Variants in RRBP1 observed in about 807,000 individuals in gnomAD.
The protein encoded by RRBP1 is ribosome binding protein 1.
RRBP1 carries 94 observed loss-of-function variants against 165.2 expected under a neutral mutation model. The observed-to-expected ratio is 0.57, with a 90% CI of 0.48 to 0.68. The LOEUF is 0.68. Among genes scored for constraint, RRBP1 ranks in the 30% least tolerant of loss-of-function variants. The pLI is 0.00. For synonymous variants in RRBP1, 680 were observed against 714.5 expected, an observed-to-expected ratio of 0.95 and a Z score of 0.77; for missense variants, 1,676 against 1,763.0, an observed-to-expected ratio of 0.95 and a Z score of 0.88.
Position 17,659,392 on chromosome 20 carries a change from A to G in RRBP1, c.1116T>C (p.Ala372=), listed in dbSNP as rs199627205. The part of the protein sequence containing the change: ...AEGAQNQGKK[A]EGAQNQGKKA... ...TTTTGCCCTGGTTCTGAGCCCCCTCAGCCTTCTTGCCCTGATTCTGGGCCC... is the reference window on the plus strand; with the variant it reads ...TTTTGCCCTGGTTCTGAGCCCCCTCGGCCTTCTTGCCCTGATTCTGGGCCC... Residue 372 remains alanine (A), a synonymous_variant, in exon 3 of 25, where the codon GCT becomes GCC. Transcript: ENST00000377813. 1,080 of 1,089,814 alleles carry G rather than the reference A, an allele frequency of 9.9e-4. 8 individuals are homozygous for G. Among genetic ancestry groups the G allele is most frequent in the Admixed American group, 2.4e-3 (60 of 24,824 alleles). 67.5% of individuals were successfully genotyped at this position (1,089,814 alleles called of 1,614,324 possible). A position where few individuals can be genotyped will look rare whatever the true frequency, so the allele number is the denominator to read the frequency against.
In RRBP1 at chr20:17,633,723, G is replaced by GTC. The variant is rs557453565; in HGVS notation, c.2457-112_2457-111dup. 7.4e-4 allele frequency: 851 copies of GTC among 1,142,306 alleles called. 23 individuals carry two copies. In the East Asian group the frequency reaches 0.021, roughly 28 times the overall value. 70.8% of individuals were successfully genotyped at this position (1,142,306 alleles called of 1,614,324 possible). ...CTCTTGTAAGTAAGCAGTTGCCCAA[G>GTC]TCTTGAAGCCATTACCAAAGCCACT... On this transcript the variant is annotated intron_variant, in intron 7 of 24. Transcript: ENST00000377813.
chr20:17,619,754 C>A (rs761309132), intron 18 of RRBP1, 26 bp from the exon 19 acceptor site: 4 of 1,541,392 alleles, frequency 2.6e-6, no homozygotes, highest in South Asian at 2.3e-5. Flanking sequence ...GACACGCACA[C>A]GCATGCGCCA....
At chr20:17,615,010 C>T in intron 23 of RRBP1, 130 bp from the exon 24 acceptor site, 2 of 1,033,692 alleles carry the variant, frequency 1.9e-6, no homozygotes, top group South Asian at 3.0e-5. Context: ...TCCTGGTCAC[C>T]CGGAGATAGG....
At chr20:17,615,850 G>A in intron 22 of RRBP1, 76 bp downstream of exon 22, 3 of 1,316,976 alleles carry the variant, frequency 2.3e-6, no homozygotes, top group Non-Finnish European at 3.2e-6. Context: ...AGCGGGGCAG[G>A]GCTGACCCAC....
chr20:17,621,844 T>TCC lies in RRBP1; in HGVS notation c.3240+9_3240+10dup. Reference sequence around the variant, plus strand: ...ACTGTGAGGTCCCCGGGAACCACCCTCCCCTCCTACCTGTTGTGCCAAGAC... The same window carrying TCC: ...ACTGTGAGGTCCCCGGGAACCACCCTCCCCCCTCCTACCTGTTGTGCCAAGAC... On this transcript the variant is annotated intron_variant, in intron 14 of 24. Transcript: ENST00000377813. The TCC allele has an allele frequency of 6.2e-7, 1 of 1,613,132 alleles. No homozygotes were observed. The highest frequency in any genetic ancestry group is 8.5e-7 in the Non-Finnish European group (1 of 1,179,452).
intron 19 of RRBP1, 57 bp downstream of exon 19, chr20:17,619,576 C>G (rs978281356): frequency 2.3e-6 from 3 of 1,303,828 alleles, no homozygotes; most frequent in African/African-American, 2.9e-5. Flanking sequence ...AGAAGCAGCT[C>G]AGGGAGGACC....
intron 5 of RRBP1, among the ~76,000 whole-genome samples, chr20:17,638,253 C>T (rs2036284093): frequency 6.6e-6 from 1 of 152,258 alleles, no homozygotes. Context: ...AGGCCGCTCT[C>T]TTTGCTGAGT....
At chr20:17,628,445 G>A (rs911938903) in intron 9 of RRBP1, among the ~76,000 whole-genome samples, 3 of 152,120 alleles carry the variant, frequency 2.0e-5, no homozygotes, top group Admixed American at 6.5e-5. Flanking sequence ...GTTGCCTTGG[G>A]CCTCAGCAAC....
At chr20:17,619,590 G>C (rs750829093) in intron 19 of RRBP1, 43 bp downstream of exon 19, 1 of 1,455,990 alleles carries the variant, frequency 6.9e-7, no homozygotes, top group East Asian at 2.3e-5. Flanking sequence ...GAGGACCGCA[G>C]ATCTGCTGGG....
intron 24 of RRBP1, 77 bp downstream of exon 24, chr20:17,614,660 T>TG: frequency 6.4e-7 from 1 of 1,573,876 alleles, no homozygotes; most frequent in Non-Finnish European, 8.6e-7. Context: ...CGCCCAGCTC[T>TG]GCCTCTCCCG....
At position 17,625,580 on chromosome 20, in the gene RRBP1, C is replaced by A; in HGVS notation, c.2986G>T (p.Val996Leu). The A allele has an allele frequency of 6.2e-7, 1 of 1,613,970 alleles. No homozygotes were observed. The change falls in exon 12 of 25, where the codon GTG (valine) becomes TTG (leucine). Residue 996 changes from valine to leucine, a missense_variant. Physicochemically the swap from Val to Leu is conservative, Grantham distance 32. Coordinates refer to ENST00000377813, the MANE Select transcript of RRBP1 (RefSeq NM_001365613.2). The part of the protein sequence containing the change: ...QTRLKELESQ[V>L]SGLEKEAIEL... ...ATGGCCTCCTTCTCCAGACCCGACA[C>A]CTGGGACTCCAGCTCCTTGAGGCTG... is the stretch of plus-strand genomic sequence containing the variant.
At chr20:17,619,073 C>A in intron 19 of RRBP1, 1 of 191,536 alleles carries the variant, frequency 5.2e-6, no homozygotes, top group South Asian at 1.0e-4. Context: ...GAGGTGCCCA[C>A]CAGTGTGCCT....
At position 17,613,803 on chromosome 20, in the gene RRBP1, C is replaced by T. The variant is rs985243807; in HGVS notation, c.*379G>A. 2.8e-5 allele frequency: 6 copies of T among 210,900 alleles called. No individual in the cohort carries two copies. The highest frequency in any genetic ancestry group is 5.8e-5 in the Non-Finnish European group (6 of 103,138). 13.1% of individuals were successfully genotyped at this position (210,900 alleles called of 1,614,324 possible). A position where few individuals can be genotyped will look rare whatever the true frequency, so the allele number is the denominator to read the frequency against. On this transcript the variant is annotated 3_prime_UTR_variant, in exon 25 of 25. Transcript: ENST00000377813. Reference sequence around the variant, plus strand: ...CGGCCCCACAGCCTTTGAGAACTGGCTGCCCGGTCCCACCCGCTTCCCGCC... The same window carrying T: ...CGGCCCCACAGCCTTTGAGAACTGGTTGCCCGGTCCCACCCGCTTCCCGCC...
intron 22 of RRBP1, 147 bp downstream of exon 22, chr20:17,615,779 G>T: frequency 1.4e-6 from 1 of 724,878 alleles, no homozygotes; most frequent in Admixed American, 2.8e-5. Flanking sequence ...CACCTGCCCG[G>T]GCCCCACCCA....
At chr20:17,614,294 G>A in intron 24 of RRBP1, 74 bp from the exon 25 acceptor site, 1 of 1,464,352 alleles carries the variant, frequency 6.8e-7, no homozygotes, top group Admixed American at 1.7e-5. Flanking sequence ...CTCTACCCTG[G>A]GCCTTTAGTC....
intron 2 of RRBP1, among the ~76,000 whole-genome samples, chr20:17,673,707 C>T (rs2122506469): frequency 6.6e-6 from 1 of 152,294 alleles, no homozygotes; most frequent in South Asian, 2.1e-4. Flanking sequence ...CATGCCCGGC[C>T]CACCTGCAGT....
rs748600528 is a variant in RRBP1, at chr20:17,616,814, T to A, written c.3785A>T (p.Lys1262Met). The change falls in exon 21 of 25, where the codon AAG becomes ATG. Residue 1262 changes from lysine (K) to methionine (M), a missense_variant. Transcript: ENST00000377813. ...ALVRQQLSEM[K>M]SHVEDGDIAG... is the part of the protein sequence containing the mutation. ...TATGTCACCATCCTCTACGTGGCTCTTCATTTCACTCAACTGCTGCCTGAC... is the reference window on the plus strand; with the variant it reads ...TATGTCACCATCCTCTACGTGGCTCATCATTTCACTCAACTGCTGCCTGAC... 1 of 1,613,070 alleles carries A rather than the reference T, an allele frequency of 6.2e-7. No homozygotes were observed. The highest frequency in any genetic ancestry group is 1.3e-5 in the African/African-American group (1 of 74,898).
At chr20:17,673,187 G>A (rs920774621) in intron 2 of RRBP1, among the ~76,000 whole-genome samples, 1 of 152,194 alleles carries the variant, frequency 6.6e-6, no homozygotes, top group African/African-American at 2.4e-5. Context: ...GATCCTGGAG[G>A]AGGAGCATCT....
At chr20:17,663,753 G>A (rs1246818060) in intron 2 of RRBP1, among the ~76,000 whole-genome samples, 3 of 152,208 alleles carry the variant, frequency 2.0e-5, no homozygotes, top group East Asian at 1.9e-4. Flanking sequence ...TCAGCATTCC[G>A]GGAGATTTGC....
Sources: gnomAD v4.1 joint callset for allele counts (sites outside exome capture counted in the v4.1 genomes callset) on GRCh38, gnomAD v4.1.1 for gene constraint, MANE v1.5 for transcripts, NCBI Gene and HGNC (gene_info 2026-07-23, HGNC 2026-07-21) for gene names.